The following TTC23 variants were observed in gnomAD, a reference collection of about 807,000 sequenced individuals.
The protein encoded by TTC23 is tetratricopeptide repeat domain 23, also known as tetratricopeptide repeat protein 23.
In TTC23, 58 loss-of-function variants were observed where a neutral mutation model predicts 55.1. The observed-to-expected ratio is 1.05, with a 90% CI of 0.85 to 1.31. The LOEUF (loss-of-function observed/expected upper bound fraction) is 1.31. Among genes scored for constraint, TTC23 ranks in the 50% most tolerant of loss-of-function variants. The pLI is 0.00. For synonymous variants in TTC23, 203 were observed against 199.9 expected (o/e 1.02, Z -0.13); for missense variants, 516 against 534.4 (o/e 0.97, Z 0.34).
At chr15:99,143,316 C>G (rs1017243270) in intron 12 of TTC23, among the ~76,000 whole-genome samples, 1 of 152,200 alleles carries the variant, frequency 6.6e-6, no homozygotes, top group African/African-American at 2.4e-5. Context: ...TTTACTTAAG[C>G]ATTTTTGTGT....
At chr15:99,230,263 A>G (rs2152072340) in intron 4 of TTC23, among the ~76,000 whole-genome samples, 1 of 152,330 alleles carries the variant, frequency 6.6e-6, no homozygotes, top group South Asian at 2.1e-4. Flanking sequence ...AATGTGTGGG[A>G]TTAATGGCAG....
intron 10 of TTC23, among the ~76,000 whole-genome samples, chr15:99,169,855 C>T (rs868696774): frequency 6.6e-5 from 10 of 152,170 alleles, no homozygotes; most frequent in African/African-American, 2.4e-4. Flanking sequence ...TAAACTCTAA[C>T]CAGACAGAGC....
At chr15:99,181,134 G>A (rs1010559256) in intron 9 of TTC23, among the ~76,000 whole-genome samples, 1 of 152,266 alleles carries the variant, frequency 6.6e-6, no homozygotes, top group Non-Finnish European at 1.5e-5. Flanking sequence ...TGCGTCAGCA[G>A]CAGAACAGAG....
chr15:99,225,181 G>C, intron 5 of TTC23, among the ~76,000 whole-genome samples: 1 of 152,202 alleles, frequency 6.6e-6, no homozygotes. Context: ...AGTAGGGATA[G>C]AGGTATACAA....
chr15:99,225,030 A>G (rs752004992), intron 5 of TTC23, among the ~76,000 whole-genome samples: 2 of 152,202 alleles, frequency 1.3e-5, no homozygotes, highest in Admixed American at 6.5e-5. Context: ...AAATGATGAC[A>G]ACATCATGGA....
intron 12 of TTC23, 74 bp downstream of exon 12, chr15:99,156,074 C>T: frequency 1.3e-6 from 2 of 1,599,616 alleles, no homozygotes; most frequent in Non-Finnish European, 1.7e-6. Context: ...AAAGAACCAC[C>T]ACAAGGGAGA....
intron 8 of TTC23, among the ~76,000 whole-genome samples, chr15:99,208,655 G>T (rs1231057978): frequency 6.6e-6 from 1 of 152,012 alleles, no homozygotes; most frequent in Non-Finnish European, 1.5e-5. Context: ...CCCACAATGA[G>T]CCTTCTGAAG....
Position 99,214,902 on chromosome 15 carries a change from C to G in TTC23, c.581+3686G>C, listed in dbSNP as rs2077349167. ...TGGAGTTTCTCTCTTGTTGCCCAGG[C>G]TGGAGTGCAATGGCGCGATCTTGGC... On this transcript the variant is annotated intron_variant, in intron 8 of 13. Transcript: ENST00000394132. 2.5e-5 allele frequency among the ~76,000 whole-genome samples: 3 copies of G among 118,718 alleles called. 1 individual carries two copies. In the Admixed American group the frequency reaches 3.3e-4, roughly 13 times the overall value. The allele number at this position is 118,718 out of a possible 152,430, so 77.9% of individuals were successfully genotyped here. A position where few individuals can be genotyped will look rare whatever the true frequency, so the allele number is the denominator to read the frequency against.
At chr15:99,149,544 T>C (rs1464051642) in intron 12 of TTC23, among the ~76,000 whole-genome samples, 1 of 152,208 alleles carries the variant, frequency 6.6e-6, no homozygotes, top group Non-Finnish European at 1.5e-5. Flanking sequence ...CTGGCCAACA[T>C]GCAGAACCCT....
chr15:99,226,009 A>G (rs780127040), intron 5 of TTC23, among the ~76,000 whole-genome samples: 4 of 152,224 alleles, frequency 2.6e-5, no homozygotes, highest in African/African-American at 9.6e-5. Context: ...ATCATGAGGA[A>G]GCATAAGACG....
chr15:99,243,567 A>G (rs760483777), intron 2 of TTC23, among the ~76,000 whole-genome samples: 4 of 152,252 alleles, frequency 2.6e-5, no homozygotes, highest in Non-Finnish European at 4.4e-5. Context: ...TATCCACAAC[A>G]GCCAAGATTT....
At chr15:99,233,189 C>T (rs2079065511) in intron 4 of TTC23, among the ~76,000 whole-genome samples, 1 of 152,082 alleles carries the variant, frequency 6.6e-6, no homozygotes, top group Admixed American at 6.5e-5. Flanking sequence ...TGTATTGTTT[C>T]CTTGAAAATT....
intron 12 of TTC23, among the ~76,000 whole-genome samples, chr15:99,153,562 C>T (rs902615813): frequency 2.6e-5 from 4 of 152,094 alleles, no homozygotes; most frequent in African/African-American, 9.7e-5. Context: ...CAGGTTTTCC[C>T]CATTTTGAAA....
chr15:99,174,843 T>C (rs1379772529), intron 10 of TTC23, among the ~76,000 whole-genome samples: 3 of 152,268 alleles, frequency 2.0e-5, no homozygotes, highest in East Asian at 1.9e-4. Flanking sequence ...AATAAAAGAC[T>C]AGAAGAAGGC....
chr15:99,139,887 G>C (rs2068028306), intron 12 of TTC23: 5 of 607,134 alleles, frequency 8.2e-6, no homozygotes, highest in South Asian at 6.1e-5. Flanking sequence ...GGACTACCCA[G>C]GGCTGGCTTT....
intron 8 of TTC23, among the ~76,000 whole-genome samples, chr15:99,205,712 A>C (rs188720944): frequency 6.6e-6 from 1 of 152,104 alleles, no homozygotes; most frequent in African/African-American, 2.4e-5. Context: ...TTTTGGTAGA[A>C]TCTATAGGTT....
chr15:99,240,710 C>A (rs56364603), intron 3 of TTC23, among the ~76,000 whole-genome samples: 59,879 of 152,068 alleles, frequency 0.39, 11,907 homozygotes, highest in Middle Eastern at 0.57. Flanking sequence ...TTCTCTCTTT[C>A]AAAGTGAAAG....
chr15:99,198,117 G>A (rs1458556204), intron 9 of TTC23, among the ~76,000 whole-genome samples: 1 of 152,004 alleles, frequency 6.6e-6, no homozygotes, highest in African/African-American at 2.4e-5. Flanking sequence ...TCCTCTCCCA[G>A]GGCAATCACT....
rs2076078542 is a variant in TTC23, at chr15:99,200,096, C to T, written c.582G>A (p.Gln194=). 1 of 1,567,088 alleles carries T rather than the reference C, an allele frequency of 6.4e-7. No individual in the cohort carries two copies. The change falls in exon 9 of 14, where the codon CAG becomes CAA. Residue 194 remains glutamine (Q), a splice_region_variant and synonymous_variant. Transcript: ENST00000394132. ...TTGACTTCTTCTGACCTTGATACAC[C>T]CTAAAAAAATCAAAGGAATTATTTT... ...IEARIRLSFA[Q]VYQGQKKSKE... is the part of the protein sequence containing the mutation.
Sources: allele counts gnomAD v4.1 joint callset (sites outside exome capture counted in the v4.1 genomes callset), GRCh38; gene constraint gnomAD v4.1.1; transcripts MANE v1.5; gene names NCBI Gene and HGNC (gene_info 2026-07-23, HGNC 2026-07-21).